The following MGAT4C variants were observed in gnomAD, a reference collection of about 807,000 sequenced individuals.
MGAT4C encodes MGAT4 family member C, also known as alpha-1,3-mannosyl-glycoprotein 4-beta-N-acetylglucosaminyltransferase C.
MGAT4C carries 19 observed loss-of-function variants against 40.1 expected under a neutral mutation model. That is an observed-to-expected ratio of 0.47 (90% CI 0.33 to 0.70). The LOEUF (loss-of-function observed/expected upper bound fraction) is 0.70, where lower values mean the gene tolerates loss of function less well. Among genes scored for constraint, MGAT4C ranks in the 30% least tolerant of loss-of-function variants. MGAT4C has a pLI of 0.02. For synonymous variants in MGAT4C, 181 were observed against 187.1 expected (o/e 0.97, Z 0.27); for missense variants, 491 against 563.2 (o/e 0.87, Z 1.30).
intron 1 of MGAT4C, among the ~76,000 whole-genome samples, chr12:86,818,071 T>A (rs1256868495): frequency 1.3e-5 from 2 of 151,420 alleles, no homozygotes; most frequent in Non-Finnish European, 3.0e-5. Flanking sequence ...TAAATTAATG[T>A]AAAACTACTT....
At chr12:86,191,788 G>GTGTGTGTGTGT (rs10526767) in intron 1 of MGAT4C, among the ~76,000 whole-genome samples, 42 of 132,416 alleles carry the variant, frequency 3.2e-4, no homozygotes, top group South Asian at 7.9e-4. Context: ...GTGTGTGTGT[G>GTGTGTGTGTGT]GTGTTTTCAG....
At chr12:86,639,012 G>C (rs1963302918) in intron 2 of MGAT4C, among the ~76,000 whole-genome samples, 1 of 151,516 alleles carries the variant, frequency 6.6e-6, no homozygotes, top group Non-Finnish European at 1.5e-5. Flanking sequence ...CTATCTATTG[G>C]TTTTGCAGAT....
chr12:86,106,693 A>G (rs572620263), intron 1 of MGAT4C, among the ~76,000 whole-genome samples: 66 of 151,700 alleles, frequency 4.4e-4, no homozygotes, highest in African/African-American at 1.5e-3. Flanking sequence ...TTTTTGCCCT[A>G]ATCCTTTAGT....
intron 1 of MGAT4C, among the ~76,000 whole-genome samples, chr12:86,766,133 C>T (rs1190606021): frequency 1.3e-5 from 2 of 152,016 alleles, no homozygotes; most frequent in African/African-American, 2.4e-5. Flanking sequence ...ATCTCACGTG[C>T]AGAGACACAC....
chr12:86,005,814 G>C (rs1326786267), intron 2 of MGAT4C, among the ~76,000 whole-genome samples: 2 of 152,000 alleles, frequency 1.3e-5, no homozygotes, highest in Non-Finnish European at 2.9e-5. Flanking sequence ...TAAATAATCA[G>C]GTCAAATCTA....
chr12:86,161,632 G>T (rs982533010), intron 1 of MGAT4C, among the ~76,000 whole-genome samples: 1 of 152,016 alleles, frequency 6.6e-6, no homozygotes, highest in African/African-American at 2.4e-5. Flanking sequence ...AAAATCAATT[G>T]CAATAAAAAC....
At chr12:86,624,145 G>A (rs12371713) in intron 2 of MGAT4C, among the ~76,000 whole-genome samples, 5,273 of 152,172 alleles carry the variant, frequency 0.035, 137 homozygotes, top group Non-Finnish European at 0.048. Context: ...ATTTAAAATG[G>A]CAGTTATCTG....
At chr12:86,028,504 A>T (rs1890446548) in intron 2 of MGAT4C, among the ~76,000 whole-genome samples, 1 of 151,902 alleles carries the variant, frequency 6.6e-6, no homozygotes, top group African/African-American at 2.4e-5. Context: ...TTTTTTCCCC[A>T]GATAAACTCT....
intron 2 of MGAT4C, among the ~76,000 whole-genome samples, chr12:86,593,965 T>C (rs1054258642): frequency 6.6e-6 from 1 of 152,248 alleles, no homozygotes; most frequent in Non-Finnish European, 1.5e-5. Flanking sequence ...GAAAATCTGA[T>C]AGATAACGAA....
chr12:86,620,414 C>A (rs909151623), intron 2 of MGAT4C, among the ~76,000 whole-genome samples: 3 of 151,862 alleles, frequency 2.0e-5, no homozygotes, highest in African/African-American at 4.8e-5. Flanking sequence ...TCTTTTGCAA[C>A]AACATGAATG....
At chr12:86,416,361 A>G (rs2136250489) in intron 3 of MGAT4C, among the ~76,000 whole-genome samples, 1 of 152,220 alleles carries the variant, frequency 6.6e-6, no homozygotes, top group East Asian at 1.9e-4. Flanking sequence ...AATCAGGCTT[A>G]TATTAAATTG....
At chr12:86,356,773 G>A (rs1032876636) in intron 3 of MGAT4C, among the ~76,000 whole-genome samples, 1 of 83,880 alleles carries the variant, frequency 1.2e-5, no homozygotes, top group African/African-American at 3.3e-5. Flanking sequence ...GAGGCTGGGG[G>A]AGAGGGGTTG....
At chr12:86,021,556 G>C (rs1260617757) in intron 2 of MGAT4C, among the ~76,000 whole-genome samples, 4 of 136,748 alleles carry the variant, frequency 2.9e-5, no homozygotes, top group Non-Finnish European at 6.1e-5. Flanking sequence ...CATGGACACA[G>C]TAAGGGGAAC....
At position 86,424,789 on chromosome 12, in the gene MGAT4C, C is replaced by G. The variant is rs186502260; in HGVS notation, c.-120+10368G>C. Among the ~76,000 whole-genome samples, 391 of 152,258 alleles carry G rather than the reference C, an allele frequency of 2.6e-3. 1 individual carries two copies. Among genetic ancestry groups the G allele is most frequent in the Middle Eastern group, 0.014 (4 of 294 alleles). On this transcript the variant is annotated intron_variant, in intron 3 of 7. Coordinates refer to the MGAT4C transcript ENST00000548651. ...ACATACATATTTAGACAGAATCTCA[C>G]TCTGACGCACAGGCTGGAGTGCAGT...
chr12:86,410,269 C>G (rs949992836), intron 3 of MGAT4C, among the ~76,000 whole-genome samples: 1 of 152,122 alleles, frequency 6.6e-6, no homozygotes, highest in Non-Finnish European at 1.5e-5. Flanking sequence ...CCTGAGGGTA[C>G]TGCAGGAGAC....
At chr12:86,731,819 C>T (rs557196134) in intron 1 of MGAT4C, among the ~76,000 whole-genome samples, 5 of 152,124 alleles carry the variant, frequency 3.3e-5, no homozygotes, top group Admixed American at 2.6e-4. Context: ...TTAAGGTTTT[C>T]GCATCACACA....
intron 3 of MGAT4C, among the ~76,000 whole-genome samples, chr12:85,988,128 C>T (rs963113833): frequency 6.6e-6 from 1 of 152,130 alleles, no homozygotes; most frequent in Non-Finnish European, 1.5e-5. Flanking sequence ...CATACCTACT[C>T]AAATCCTGTT....
chr12:86,469,570 T>C (rs1263683158), intron 2 of MGAT4C, among the ~76,000 whole-genome samples: 1 of 152,170 alleles, frequency 6.6e-6, no homozygotes, highest in African/African-American at 2.4e-5. Context: ...AACAGTCATG[T>C]GAATCAGGTA....
intron 2 of MGAT4C, among the ~76,000 whole-genome samples, chr12:86,718,226 TTA>T (rs1317184743): frequency 6.6e-5 from 10 of 152,352 alleles, no homozygotes; most frequent in African/African-American, 2.2e-4. Context: ...GACCCATTGT[TTA>T]TGTTTTTTTC....
Sources: gnomAD v4.1 joint callset for allele counts (sites outside exome capture counted in the v4.1 genomes callset) on GRCh38, gnomAD v4.1.1 for gene constraint, MANE v1.5 for transcripts, NCBI Gene and HGNC (gene_info 2026-07-23, HGNC 2026-07-21) for gene names.